FAM222B: variants seen among roughly 807,000 people sequenced by gnomAD.
FAM222B encodes family with sequence similarity 222 member B.
Under a neutral mutation model 38.0 loss-of-function variants are expected in FAM222B, and 12 were observed. The ratio of observed to expected loss-of-function variants is 0.32; its 90% CI spans 0.20 to 0.51. The LOEUF is 0.51. Ranked by LOEUF, FAM222B falls within the 20% of genes least tolerant of loss-of-function variation. The pLI is 0.97. For synonymous variants in FAM222B, 329 were observed against 317.2 expected (o/e 1.04, Z -0.40); for missense variants, 716 against 754.2 (o/e 0.95, Z 0.59).
chr17:28,802,035 G>GA (rs2037256830), intron 1 of FAM222B, among the ~76,000 whole-genome samples: 1 of 149,990 alleles, frequency 6.7e-6, no homozygotes, highest in African/African-American at 2.5e-5. Flanking sequence ...AAAAGAAAAA[G>GA]AAAAAAAGTG....
intron 1 of FAM222B, among the ~76,000 whole-genome samples, chr17:28,782,845 C>T (rs111511121): frequency 2.0e-5 from 3 of 151,840 alleles, no homozygotes; most frequent in Non-Finnish European, 2.9e-5. Flanking sequence ...CTTTAAAAAA[C>T]GAACAAACTC....
At chr17:28,800,030 CTTTCT>C (rs903306147) in intron 1 of FAM222B, among the ~76,000 whole-genome samples, 67 of 147,318 alleles carry the variant, frequency 4.5e-4, no homozygotes, top group African/African-American at 1.5e-3. Context: ...AGCAATGATA[CTTTCT>C]TTTTTTTTTT....
At chr17:28,792,125 C>T (rs556223792) in intron 1 of FAM222B, among the ~76,000 whole-genome samples, 2 of 150,810 alleles carry the variant, frequency 1.3e-5, no homozygotes, top group African/African-American at 4.9e-5. Flanking sequence ...TCCTGGCCAA[C>T]ACGGTGAAAC....
At chr17:28,812,126 A>T (rs1293296639) in intron 1 of FAM222B, 2 of 152,218 alleles carry the variant, frequency 1.3e-5, no homozygotes, top group Non-Finnish European at 2.9e-5. Context: ...ATCCAGAGAC[A>T]TTATTTCCCG....
intron 1 of FAM222B, among the ~76,000 whole-genome samples, chr17:28,817,409 T>C (rs1236140281): frequency 1.5e-5 from 2 of 135,138 alleles, no homozygotes; most frequent in African/African-American, 2.8e-5. Flanking sequence ...TGAGACTCTG[T>C]CTCAAAAAAA....
At chr17:28,805,434 C>T (rs941633059) in intron 1 of FAM222B, among the ~76,000 whole-genome samples, 3 of 152,002 alleles carry the variant, frequency 2.0e-5, no homozygotes, top group Non-Finnish European at 4.4e-5. Flanking sequence ...ATTCAGGAGG[C>T]TGAGGCACAA....
chr17:28,794,241 C>T (rs2036835655), intron 1 of FAM222B, among the ~76,000 whole-genome samples: 1 of 148,378 alleles, frequency 6.7e-6, no homozygotes, highest in Non-Finnish European at 1.5e-5. Context: ...TTTTTGGAGA[C>T]AGAGTCTTGC....
intron 1 of FAM222B, among the ~76,000 whole-genome samples, chr17:28,818,117 G>C (rs974669288): frequency 6.6e-6 from 1 of 152,116 alleles, no homozygotes; most frequent in African/African-American, 2.4e-5. Context: ...CTAGCTACTT[G>C]GGAGGCTGAG....
At chr17:28,845,370 C>T (rs1488432500), upstream of FAM222B, among the ~76,000 whole-genome samples, 2 of 150,582 alleles carry the variant, frequency 1.3e-5, no homozygotes, top group Non-Finnish European at 3.0e-5. Context: ...CACTGCACTC[C>T]AGCCTGGGGA....
intron 1 of FAM222B, among the ~76,000 whole-genome samples, chr17:28,774,610 C>A (rs1238036144): frequency 6.6e-6 from 1 of 152,106 alleles, no homozygotes; most frequent in Non-Finnish European, 1.5e-5. Context: ...TCCCTGCCCC[C>A]GACCAGAAGA....
At chr17:28,820,285 T>A (rs1211668190) in intron 1 of FAM222B, among the ~76,000 whole-genome samples, 3 of 152,168 alleles carry the variant, frequency 2.0e-5, no homozygotes, top group Non-Finnish European at 4.4e-5. Flanking sequence ...GATTCAAATT[T>A]CAATGTAGTT....
chr17:28,801,971 T>C (rs1284837947), intron 1 of FAM222B, among the ~76,000 whole-genome samples: 1 of 151,394 alleles, frequency 6.6e-6, no homozygotes, highest in African/African-American at 2.4e-5. Flanking sequence ...TTTCATTCAG[T>C]TCAGCAACTG....
intron 1 of FAM222B, among the ~76,000 whole-genome samples, chr17:28,811,432 T>C (rs1370219838): frequency 6.6e-6 from 1 of 152,060 alleles, no homozygotes; most frequent in Non-Finnish European, 1.5e-5. Context: ...AGAGCGAGAC[T>C]CGTCTCAAAA....
At chr17:28,805,183 C>T (rs1230976481) in intron 1 of FAM222B, among the ~76,000 whole-genome samples, 1 of 152,106 alleles carries the variant, frequency 6.6e-6, no homozygotes, top group African/African-American at 2.4e-5. Context: ...CATAGGGAGA[C>T]CCCGTCTCTA....
chr17:28,770,369 CTT>C, intron 1 of FAM222B, among the ~76,000 whole-genome samples: 1 of 152,308 alleles, frequency 6.6e-6, no homozygotes, highest in Non-Finnish European at 1.5e-5. Flanking sequence ...CTAGATTTGA[CTT>C]TTCCCAAAGC....
At chr17:28,817,768 G>T (rs757328384) in intron 1 of FAM222B, among the ~76,000 whole-genome samples, 1 of 152,220 alleles carries the variant, frequency 6.6e-6, no homozygotes, top group African/African-American at 2.4e-5. Flanking sequence ...GCAGAGTAGA[G>T]AATCAAACCC....
At chr17:28,791,713 G>A (rs1284561409) in intron 1 of FAM222B, among the ~76,000 whole-genome samples, 1 of 141,912 alleles carries the variant, frequency 7.0e-6, no homozygotes, top group African/African-American at 2.6e-5. Context: ...CAGAGTCTAG[G>A]CTGGAGTGCG....
intron 1 of FAM222B, among the ~76,000 whole-genome samples, chr17:28,783,532 A>G (rs1336267850): frequency 2.9e-5 from 4 of 138,738 alleles, no homozygotes; most frequent in Non-Finnish European, 4.7e-5. Context: ...TTTTTTTTTT[A>G]AACAAAGTCT....
chr17:28,768,836 CAAA>C (rs71359249), intron 1 of FAM222B, among the ~76,000 whole-genome samples: 6 of 70,880 alleles, frequency 8.5e-5, no homozygotes, highest in Admixed American at 1.7e-4. Context: ...AACTCTGTCT[CAAA>C]AAAAAAAAAA....
Sources: allele counts gnomAD v4.1 joint callset (sites outside exome capture counted in the v4.1 genomes callset), GRCh38; gene constraint gnomAD v4.1.1; transcripts MANE v1.5; gene names NCBI Gene and HGNC (gene_info 2026-07-23, HGNC 2026-07-21).